The following PCARE variants were observed in gnomAD, a reference collection of about 807,000 sequenced individuals.
PCARE encodes photoreceptor cilium actin regulator, also known as uncharacterized protein C2orf71.
PCARE carries 72 observed loss-of-function variants against 82.2 expected under a neutral mutation model. The observed-to-expected ratio is 0.88, with a 90% CI of 0.72 to 1.07. The LOEUF (loss-of-function observed/expected upper bound fraction) is 1.07, where lower values mean the gene tolerates loss of function less well. Among genes scored for constraint, PCARE ranks in the 50% least tolerant of loss-of-function variants. The pLI is 0.00. For missense variants in PCARE, 1,768 were observed against 1,592.4 expected (o/e 1.11, Z -1.88); for synonymous variants, 705 against 634.8 (o/e 1.11, Z -1.66).
In PCARE at chr2:29,073,031, C is replaced by T. The variant is rs1667521269; in HGVS notation, c.1231G>A (p.Asp411Asn). The T allele has an allele frequency of 3.7e-6, 6 of 1,614,078 alleles. No homozygotes were observed. Among genetic ancestry groups the T allele is most frequent in the Non-Finnish European group, 5.1e-6 (6 of 1,179,984 alleles). Residue 411 changes from aspartate to asparagine, a missense_variant, in exon 1 of 2, where the codon GAC becomes AAC. Coordinates refer to ENST00000331664, the MANE Select transcript of PCARE (RefSeq NM_001029883.3). ...ATAGGAGCCCCTGAGAGCAGGCAGTCCTGGGGTCTGCCTGAGCCCAAACAG... is the reference window on the plus strand; with the variant it reads ...ATAGGAGCCCCTGAGAGCAGGCAGTTCTGGGGTCTGCCTGAGCCCAAACAG... ...PFCLGSGRPQDCLLSGAPMAK... is the reference protein window; with the variant it reads ...PFCLGSGRPQNCLLSGAPMAK...
In PCARE at chr2:29,071,773, A is replaced by G. The variant is rs201125083; in HGVS notation, c.2489T>C (p.Leu830Pro). 1 of 1,613,356 alleles carries G rather than the reference A, an allele frequency of 6.2e-7. No individual in the cohort carries two copies. The highest frequency in any genetic ancestry group is 1.3e-5 in the African/African-American group (1 of 75,008). ...CAGAACTTCCATAGGCGGTGGAGGG[A>G]GGTGCTCGAGGTTCCCCTCCATTTC... ...SCEMEGNLEH[L>P]PPPPMEVLMD... is the part of the protein sequence containing the mutation. Residue 830 changes from leucine (L) to proline (P), a missense_variant, in exon 1 of 2, where the codon CTC becomes CCC. By Grantham distance (98) the Leu-to-Pro change is moderately conservative. Coordinates refer to ENST00000331664, the MANE Select transcript of PCARE (RefSeq NM_001029883.3).
At position 29,072,477 on chromosome 2, in the gene PCARE, C is replaced by T; in HGVS notation, c.1785G>A (p.Gln595=). 1 of 1,614,240 alleles carries T rather than the reference C, an allele frequency of 6.2e-7. No homozygotes were observed. Among genetic ancestry groups the T allele is most frequent in the Non-Finnish European group, 8.5e-7 (1 of 1,180,046 alleles). The change falls in exon 1 of 2, where the codon CAG becomes CAA. Residue 595 remains glutamine (Q), a synonymous_variant. Coordinates refer to ENST00000331664, the MANE Select transcript of PCARE (RefSeq NM_001029883.3). ...CGTGACTCTGGAGACACGACTCTGA[C>T]TGGGACCTCGTCTGCCTCTCAGGGG... ...RRAPERQTRS[Q]SESCLQSHVE... is the part of the protein sequence containing the mutation.
Position 29,072,189 on chromosome 2 carries a change from A to G in PCARE, c.2073T>C (p.His691=), listed in dbSNP as rs1667502327. 1.2e-6 allele frequency: 2 copies of G among 1,614,106 alleles called. No homozygotes were observed. The highest frequency in any genetic ancestry group is 8.5e-7 in the Non-Finnish European group (1 of 1,180,034). ...DKSILQKCNP[H]PEDEQGKAGK... is the part of the protein sequence containing the mutation. ...CAGCTTTGCCTTGTTCGTCCTCAGG[A>G]TGGGGATTGCATTTCTGCAAGATGC... Residue 691 remains histidine (H), a synonymous_variant, in exon 1 of 2, where the codon CAT becomes CAC. Coordinates refer to ENST00000331664, the MANE Select transcript of PCARE (RefSeq NM_001029883.3).
rs1558487870 is a variant in PCARE at position 29,071,045 on chromosome 2, G to A, written c.3217C>T (p.Pro1073Ser). 6.7e-7 allele frequency: 1 copy of A among 1,487,316 alleles called. No homozygotes were observed. Among genetic ancestry groups the A allele is most frequent in the African/African-American group, 1.4e-5 (1 of 70,606 alleles). 92.1% of individuals were successfully genotyped at this position (1,487,316 alleles called of 1,614,324 possible). Residue 1073 changes from proline to serine, a missense_variant, in exon 1 of 2, where the codon CCC becomes TCC. Physicochemically the swap from Pro to Ser is moderately conservative, Grantham distance 74 (BLOSUM62 -1). Coordinates refer to ENST00000331664, the MANE Select transcript of PCARE (RefSeq NM_001029883.3). ...CTTGCTTCTGGGTGCTGGGTTGGGG[G>A]GCTGGGGACCTTGCACTGAGCAGGT... The part of the protein sequence containing the change: ...SAPAQCKVPS[P>S]PTQHPEASPP...
chr2:29,065,462 A>G lies in PCARE; in HGVS notation c.3669-395T>C, dbSNP rs1291291675. On this transcript the variant is annotated intron_variant, in intron 1 of 1. Transcript: ENST00000331664. ...ATTAAAGACAACAACAACAACAAGGAAAAAACCGGCTTCGCTCAGCTGCCA... is the reference window on the plus strand; with the variant it reads ...ATTAAAGACAACAACAACAACAAGGGAAAAACCGGCTTCGCTCAGCTGCCA... 5.9e-5 allele frequency among the ~76,000 whole-genome samples: 9 copies of G among 152,388 alleles called. No homozygotes were observed. In the East Asian group the frequency reaches 1.5e-3, roughly 26 times the overall value.
At chr2:29,068,779 C>T (rs1198898082) in intron 1 of PCARE, among the ~76,000 whole-genome samples, 1 of 152,154 alleles carries the variant, frequency 6.6e-6, no homozygotes, top group Non-Finnish European at 1.5e-5. Context: ...GTAGCAGCCC[C>T]ACCCCTGGAT....
At chr2:29,070,302 C>T (rs1210214312) in intron 1 of PCARE, among the ~76,000 whole-genome samples, 2 of 152,038 alleles carry the variant, frequency 1.3e-5, no homozygotes, top group Non-Finnish European at 2.9e-5. Flanking sequence ...CGGTGTGTGC[C>T]CTTCCTGTGT....
chr2:29,070,396 T>C (rs1479852358), intron 1 of PCARE, among the ~76,000 whole-genome samples, 198 bp downstream of exon 1: 1 of 152,160 alleles, frequency 6.6e-6, no homozygotes, highest in Non-Finnish European at 1.5e-5. Context: ...AGCTGGAATG[T>C]GTAACAGATA....
rs1299944839 is a variant in PCARE, at chr2:29,073,084, G to T, written c.1178C>A (p.Ser393Ter). The change falls in exon 1 of 2, where the codon TCA becomes TAA. Residue 393 changes from serine to a stop codon, truncating the protein, a stop_gained. Transcript: ENST00000331664. LOFTEE classifies it high-confidence loss of function. ...TGGACTTTGCTGCCAGGTGTGTCCT[G>T]ACTGCCTGGCCTCTGTGTGGGGTGA... ...VTSPHTEARQ[S>*]GHTWQQSPFC... 6.2e-7 allele frequency: 1 copy of T among 1,613,982 alleles called. No individual in the cohort carries two copies. The highest frequency in any genetic ancestry group is 8.5e-7 in the Non-Finnish European group (1 of 1,179,988).
Position 29,064,633 on chromosome 2 carries a change from G to T in PCARE, c.*236C>A. 1 of 600,810 alleles carries T rather than the reference G, an allele frequency of 1.7e-6. No individual in the cohort carries two copies. The highest frequency in any genetic ancestry group is 3.0e-6 in the Non-Finnish European group (1 of 337,144). 37.2% of individuals were successfully genotyped at this position (600,810 alleles called of 1,614,324 possible). A position where few individuals can be genotyped will look rare whatever the true frequency, so the allele number is the denominator to read the frequency against. The stretch of plus-strand genomic sequence containing the variant: ...ACTTGAAGCATTAAATACTGTCATT[G>T]TGGGGTCTAAAAGTTCTGGTTAACC... On this transcript the variant is annotated 3_prime_UTR_variant, in exon 2 of 2. Transcript: ENST00000331664.
At position 29,071,787 on chromosome 2, in the gene PCARE, C is replaced by T. The variant is rs2148415582; in HGVS notation, c.2475G>A (p.Gly825=). 1 of 1,613,628 alleles carries T rather than the reference C, an allele frequency of 6.2e-7. No individual in the cohort carries two copies. The highest frequency in any genetic ancestry group is 1.3e-5 in the African/African-American group (1 of 75,040). Residue 825 remains glycine, a synonymous_variant, in exon 1 of 2, where the codon GGG becomes GGA. Coordinates refer to ENST00000331664, the MANE Select transcript of PCARE (RefSeq NM_001029883.3). ...GCGGTGGAGGGAGGTGCTCGAGGTT[C>T]CCCTCCATTTCACAGCTGAGCTCCT... ...KSEELSCEME[G]NLEHLPPPPM... is the part of the protein sequence containing the mutation.
In PCARE at chr2:29,072,179, C is replaced by G. The variant is rs769814461; in HGVS notation, c.2083G>C (p.Glu695Gln). The change falls in exon 1 of 2, where the codon GAA becomes CAA. Residue 695 changes from glutamate to glutamine, a missense_variant. Transcript: ENST00000331664. ...LQKCNPHPED[E>Q]QGKAGKLPNA... Reference sequence around the variant, plus strand: ...GGAAGCTTCCCAGCTTTGCCTTGTTCGTCCTCAGGATGGGGATTGCATTTC... The same window carrying G: ...GGAAGCTTCCCAGCTTTGCCTTGTTGGTCCTCAGGATGGGGATTGCATTTC... The G allele has an allele frequency of 1.2e-6, 2 of 1,614,238 alleles. No individual in the cohort carries two copies. The highest frequency in any genetic ancestry group is 1.7e-6 in the Non-Finnish European group (2 of 1,180,048).
chr2:29,071,960 A>T lies in PCARE; in HGVS notation c.2302T>A (p.Phe768Ile), dbSNP rs1434998913. 1 of 1,614,024 alleles carries T rather than the reference A, an allele frequency of 6.2e-7. No individual in the cohort carries two copies. Among genetic ancestry groups the T allele is most frequent in the Admixed American group, 1.7e-5 (1 of 60,016 alleles). ...CLRNCIMPPR[F>I]PKYTGLAPLY... The stretch of plus-strand genomic sequence containing the variant: ...GGGGCAAGCCCTGTGTACTTGGGAA[A>T]TCTGGGGGGCATGATGCAATTCCTG... The change falls in exon 1 of 2, where the codon TTT (phenylalanine) becomes ATT (isoleucine). Residue 768 changes from phenylalanine to isoleucine, a missense_variant. Coordinates refer to ENST00000331664, the MANE Select transcript of PCARE (RefSeq NM_001029883.3).
chr2:29,070,705 G>A lies in PCARE; in HGVS notation c.3557C>T (p.Pro1186Leu). 1 of 1,614,194 alleles carries A rather than the reference G, an allele frequency of 6.2e-7. No individual in the cohort carries two copies. Among genetic ancestry groups the A allele is most frequent in the Non-Finnish European group, 8.5e-7 (1 of 1,180,046 alleles). ...AGCTGTCCTCCTGAGGAAAGGCAGAGGGTTGAGGGCACACAGAGCTGCTCT... is the reference window on the plus strand; with the variant it reads ...AGCTGTCCTCCTGAGGAAAGGCAGAAGGTTGAGGGCACACAGAGCTGCTCT... Reference protein sequence around the residue: ...QRRAALCALNPLPFLRRTASD... With the variant: ...QRRAALCALNLLPFLRRTASD... Residue 1186 changes from proline (P) to leucine (L), a missense_variant, in exon 1 of 2, where the codon CCT becomes CTT. Coordinates refer to ENST00000331664, the MANE Select transcript of PCARE (RefSeq NM_001029883.3).
At chr2:29,066,416 C>T (rs1311310637) in intron 1 of PCARE, among the ~76,000 whole-genome samples, 1 of 152,196 alleles carries the variant, frequency 6.6e-6, no homozygotes, top group Non-Finnish European at 1.5e-5. Context: ...TGCCTCAGGG[C>T]CAGGACAGGA....
chr2:29,067,260 G>C (rs1558486008), intron 1 of PCARE, among the ~76,000 whole-genome samples: 1 of 152,188 alleles, frequency 6.6e-6, no homozygotes, highest in African/African-American at 2.4e-5. Context: ...CTAGTCCCTG[G>C]TGGTGTTTCC....
rs762494567 is a variant in PCARE, at chr2:29,072,978, G to A, written c.1284C>T (p.Asp428=). 56 of 1,614,008 alleles carry A rather than the reference G, an allele frequency of 3.5e-5. No homozygotes were observed. The highest frequency in any genetic ancestry group is 2.3e-4 in the Admixed American group (14 of 60,002). Reference sequence around the variant, plus strand: ...TGGAGAGGCATGGGCTCCTTGCTTCGTCCTGTGCTCGTGGCTGAACCTTTG... The same window carrying A: ...TGGAGAGGCATGGGCTCCTTGCTTCATCCTGTGCTCGTGGCTGAACCTTTG... ...PMAKVQPRAQ[D]EARSPCLSST... is the part of the protein sequence containing the mutation. Residue 428 remains aspartate (D), a synonymous_variant, in exon 1 of 2, where the codon GAC becomes GAT. Transcript: ENST00000331664.
At position 29,074,223 on chromosome 2, in the gene PCARE, G is replaced by T. The variant is rs372026432; in HGVS notation, c.39C>A (p.Ser13Arg). 1.9e-6 allele frequency: 3 copies of T among 1,581,096 alleles called. No homozygotes were observed. The highest frequency in any genetic ancestry group is 1.7e-6 in the Non-Finnish European group (2 of 1,163,822). ...CTPSHSDLVN[S>R]VAKSGIQFLK... is the part of the protein sequence containing the mutation. ...AGAACTGAATGCCACTCTTTGCAAC[G>T]CTGTTTACAAGGTCACTGTGTGAAG... The change falls in exon 1 of 2, where the codon AGC (serine) becomes AGA (arginine). Residue 13 changes from serine to arginine, a missense_variant. Transcript: ENST00000331664.
intron 1 of PCARE, among the ~76,000 whole-genome samples, chr2:29,069,706 C>T (rs1300429111): frequency 6.6e-6 from 1 of 152,002 alleles, no homozygotes; most frequent in Non-Finnish European, 1.5e-5. Flanking sequence ...AAAAAGTGGA[C>T]ACAAGAAAAT....
Sources: gnomAD v4.1 joint callset for allele counts (sites outside exome capture counted in the v4.1 genomes callset) on GRCh38, gnomAD v4.1.1 for gene constraint, MANE v1.5 for transcripts, NCBI Gene and HGNC (gene_info 2026-07-23, HGNC 2026-07-21) for gene names.